DTWD2: variants seen among roughly 807,000 people sequenced by gnomAD.
The protein encoded by DTWD2 is DTW motif tRNA-uridine aminocarboxypropyltransferase 2.
In DTWD2, 39 loss-of-function variants were observed where a neutral mutation model predicts 31.8. The observed-to-expected ratio is 1.22, with a 90% CI of 0.95 to 1.60. The LOEUF is 1.60. DTWD2 is among the 40% of genes most tolerant of loss of function. The pLI, the probability that DTWD2 is intolerant of heterozygous loss-of-function variation, is 0.00. For synonymous variants in DTWD2, 180 were observed against 142.8 expected, an observed-to-expected ratio of 1.26 and a Z score of -1.86; for missense variants, 515 against 381.5, an observed-to-expected ratio of 1.35 and a Z score of -2.92.
chr5:118,957,373 C>T (rs1340163507), intron 1 of DTWD2, among the ~76,000 whole-genome samples: 1 of 152,026 alleles, frequency 6.6e-6, no homozygotes, highest in Non-Finnish European at 1.5e-5. Flanking sequence ...AGGGGCGCGC[C>T]ACCATGCCTG....
At chr5:118,934,792 T>C (rs1464322608) in intron 3 of DTWD2, among the ~76,000 whole-genome samples, 2 of 152,162 alleles carry the variant, frequency 1.3e-5, no homozygotes, top group Admixed American at 1.3e-4. Context: ...ATTGTTAGAT[T>C]AAATTTAAAA....
intron 4 of DTWD2, among the ~76,000 whole-genome samples, chr5:118,898,776 C>A (rs188513654): frequency 1.2e-3 from 188 of 152,042 alleles, no homozygotes; most frequent in African/African-American, 4.4e-3. Flanking sequence ...AATTGGCACC[C>A]TAGAACAGCT....
chr5:118,943,639 G>T (rs1349564877), intron 2 of DTWD2, among the ~76,000 whole-genome samples: 1 of 152,098 alleles, frequency 6.6e-6, no homozygotes, highest in Non-Finnish European at 1.5e-5. Context: ...TTTCAAGGCT[G>T]AGGCATGAGA....
rs146380643 is a variant in DTWD2, at chr5:118,891,333, T to C, written c.597+37204A>G. ...CAGTTTTACCCACGATGCCCTATAA[T>C]TGAGGCACATAATCATATCAGCTGC... On this transcript the variant is annotated intron_variant, in intron 4 of 5. Coordinates refer to ENST00000510708, the MANE Select transcript of DTWD2 (RefSeq NM_173666.4). 2.3e-3 allele frequency among the ~76,000 whole-genome samples: 343 copies of C among 152,266 alleles called. 7 individuals are homozygous for C. The highest frequency in any genetic ancestry group is 0.017 in the Middle Eastern group (5 of 294).
chr5:118,847,109 T>C (rs1751876222), intron 5 of DTWD2, among the ~76,000 whole-genome samples: 1 of 152,172 alleles, frequency 6.6e-6, no homozygotes, highest in Non-Finnish European at 1.5e-5. Flanking sequence ...TGCTATCTTT[T>C]TGTTCTCTTT....
intron 4 of DTWD2, among the ~76,000 whole-genome samples, chr5:118,899,864 C>T (rs1191465195): frequency 2.0e-5 from 3 of 147,378 alleles, no homozygotes; most frequent in African/African-American, 5.0e-5. Flanking sequence ...TACAGTGGCA[C>T]GATCTCGGCT....
At chr5:118,841,882 A>T (rs1751723377) in intron 5 of DTWD2, among the ~76,000 whole-genome samples, 1 of 152,226 alleles carries the variant, frequency 6.6e-6, no homozygotes, top group Non-Finnish European at 1.5e-5. Flanking sequence ...ATAACAGCAA[A>T]AAAACTTAAT....
intron 4 of DTWD2, among the ~76,000 whole-genome samples, chr5:118,862,344 C>G (rs1752280767): frequency 6.6e-6 from 1 of 152,184 alleles, no homozygotes; most frequent in African/African-American, 2.4e-5. Context: ...GCTGGAGTGT[C>G]TGCAGCATAG....
chr5:118,957,621 T>G (rs1315907106), intron 1 of DTWD2, among the ~76,000 whole-genome samples: 3 of 152,152 alleles, frequency 2.0e-5, no homozygotes, highest in Admixed American at 2.0e-4. Flanking sequence ...TTTGTTTTTC[T>G]TTTTGCGAAT....
At chr5:118,889,870 A>G (rs6874109) in intron 4 of DTWD2, among the ~76,000 whole-genome samples, 55,924 of 152,046 alleles carry the variant, frequency 0.37, 12,931 homozygotes, top group African/African-American at 0.66. Context: ...GCTATCCCCT[A>G]AAACTCAAGA....
intron 1 of DTWD2, among the ~76,000 whole-genome samples, chr5:118,952,235 G>A (rs1404800989): frequency 6.6e-6 from 1 of 152,204 alleles, no homozygotes; most frequent in African/African-American, 2.4e-5. Context: ...GATCTCCCAA[G>A]GGAGGTCCCC....
chr5:118,951,759 G>C (rs1311994467), intron 1 of DTWD2, among the ~76,000 whole-genome samples: 1 of 152,152 alleles, frequency 6.6e-6, no homozygotes, highest in Non-Finnish European at 1.5e-5. Flanking sequence ...AGAGAGGGTA[G>C]AGACATGGAG....
chr5:118,848,353 T>C (rs145740590), intron 4 of DTWD2, 135 bp from the exon 5 acceptor site: 51 of 712,902 alleles, frequency 7.2e-5, no homozygotes, highest in Non-Finnish European at 1.1e-4. Context: ...ATATCTTTTA[T>C]GTATAACATC....
chr5:118,937,402 A>G (rs1457252789), intron 3 of DTWD2, among the ~76,000 whole-genome samples: 1 of 150,548 alleles, frequency 6.6e-6, no homozygotes, highest in Non-Finnish European at 1.5e-5. Flanking sequence ...AAAAAAAACC[A>G]TAAAACTATT....
At chr5:118,934,783 T>C (rs915176836) in intron 3 of DTWD2, among the ~76,000 whole-genome samples, 2 of 152,004 alleles carry the variant, frequency 1.3e-5, no homozygotes, top group African/African-American at 4.8e-5. Context: ...ACAACAGAGA[T>C]TGTTAGATTA....
At chr5:118,853,010 C>G (rs1383070219) in intron 4 of DTWD2, among the ~76,000 whole-genome samples, 7 of 152,058 alleles carry the variant, frequency 4.6e-5, no homozygotes, top group Admixed American at 4.6e-4. Context: ...AAGTTAAGTA[C>G]TGGGTACACA....
At chr5:118,852,434 C>A (rs925207227) in intron 4 of DTWD2, among the ~76,000 whole-genome samples, 3 of 152,148 alleles carry the variant, frequency 2.0e-5, no homozygotes, top group African/African-American at 7.2e-5. Context: ...GAAATCTTCA[C>A]AATTTATGTT....
At chr5:118,928,513 T>A in intron 4 of DTWD2, 24 bp downstream of exon 4, 2 of 1,417,136 alleles carry the variant, frequency 1.4e-6, no homozygotes, top group Non-Finnish European at 1.9e-6. Flanking sequence ...TTATATTTAT[T>A]CTCTGTTAAA....
intron 4 of DTWD2, among the ~76,000 whole-genome samples, chr5:118,860,735 A>T (rs1304801801): frequency 4.6e-5 from 7 of 152,166 alleles, no homozygotes; most frequent in Non-Finnish European, 1.0e-4. Flanking sequence ...GTATAATTTT[A>T]ATATGCAGTA....
Sources: gnomAD v4.1 joint callset for allele counts (sites outside exome capture counted in the v4.1 genomes callset) on GRCh38, gnomAD v4.1.1 for gene constraint, MANE v1.5 for transcripts, NCBI Gene and HGNC (gene_info 2026-07-23, HGNC 2026-07-21) for gene names.